Variants in RYR3 observed in about 807,000 individuals in gnomAD.
RYR3 encodes the protein ryanodine receptor 3, also known as brain ryanodine receptor-calcium release channel.
A neutral mutation model predicts 584.3 loss-of-function variants in RYR3; 207 were observed. The observed-to-expected ratio is 0.35, with a 90% confidence interval of 0.32 to 0.40. The LOEUF (loss-of-function observed/expected upper bound fraction) is 0.40. Among genes scored for constraint, RYR3 ranks in the 10% least tolerant of loss-of-function variants. RYR3 has a pLI of 1.00. For missense variants in RYR3, 5,616 were observed against 6,089.2 expected (o/e 0.92, Z 2.59); for synonymous variants, 2,416 against 2,248.5 (o/e 1.07, Z -2.11).
At position 33,754,462 on chromosome 15, in the gene RYR3, C is replaced by A. The variant is rs1186188605; in HGVS notation, c.8400-603C>A. 2.0e-5 allele frequency among the ~76,000 whole-genome samples: 3 copies of A among 152,218 alleles called. No homozygotes were observed. In the South Asian group the frequency reaches 6.2e-4, roughly 32 times the overall value. ...ATGCTCCTGCCTCAGGACCTTTGCA[C>A]TGTCTCTTCGCCCCACCTTAAGAAC... On this transcript the variant is annotated intron_variant, in intron 57 of 103. Transcript: ENST00000634891.
At chr15:33,672,823 C>T (rs1272176833) in intron 38 of RYR3, among the ~76,000 whole-genome samples, 1 of 152,182 alleles carries the variant, frequency 6.6e-6, no homozygotes, top group Admixed American at 6.5e-5. Flanking sequence ...AATACTTCCA[C>T]ACATATTCAT....
chr15:33,738,996 C>T (rs905027180), intron 50 of RYR3, among the ~76,000 whole-genome samples: 2 of 152,170 alleles, frequency 1.3e-5, no homozygotes, highest in African/African-American at 4.8e-5. Flanking sequence ...GATGGTGGGA[C>T]AGGGGATTTC....
chr15:33,318,244 C>T lies in RYR3; in HGVS notation c.51+7148C>T, dbSNP rs541245766. 1.1e-4 allele frequency among the ~76,000 whole-genome samples: 16 copies of T among 152,260 alleles called. No homozygotes were observed. The South Asian group carries it at 3.3e-3, about 32-fold the overall frequency. ...GTGGTTTTATGCTATAGGAACCAGCCAGTATTATGAGCAAGGCAGCACACC... is the reference window on the plus strand; with the variant it reads ...GTGGTTTTATGCTATAGGAACCAGCTAGTATTATGAGCAAGGCAGCACACC... On this transcript the variant is annotated intron_variant, in intron 1 of 103. Coordinates refer to ENST00000634891, the MANE Select transcript of RYR3 (RefSeq NM_001036.6).
intron 3 of RYR3, among the ~76,000 whole-genome samples, chr15:33,522,382 T>G (rs1308954503): frequency 6.6e-6 from 1 of 152,192 alleles, no homozygotes; most frequent in African/African-American, 2.4e-5. Flanking sequence ...CCTGTACTGC[T>G]CTGGCTGAGT....
chr15:33,498,208 G>T (rs1399813296), intron 2 of RYR3, among the ~76,000 whole-genome samples: 1 of 152,034 alleles, frequency 6.6e-6, no homozygotes, highest in African/African-American at 2.4e-5. Flanking sequence ...TTCATTTTCT[G>T]TTCAGTAGTG....
intron 18 of RYR3, among the ~76,000 whole-genome samples, chr15:33,610,856 CAA>C (rs952624676): frequency 6.6e-6 from 1 of 151,990 alleles, no homozygotes; most frequent in African/African-American, 2.4e-5. Flanking sequence ...GTGCATGAAA[CAA>C]AATTTTGACT....
intron 87 of RYR3, 104 bp from the exon 88 acceptor site, chr15:33,836,802 T>C: frequency 1.3e-6 from 1 of 778,210 alleles, no homozygotes; most frequent in Non-Finnish European, 2.1e-6. Context: ...CCGACACTGA[T>C]GCAGCCTGCA....
intron 86 of RYR3, among the ~76,000 whole-genome samples, chr15:33,833,639 C>T (rs1445818507): frequency 6.6e-6 from 1 of 152,202 alleles, no homozygotes; most frequent in Non-Finnish European, 1.5e-5. Flanking sequence ...CAGAACTTCC[C>T]ATGGAGCACG....
chr15:33,662,673 G>T lies in RYR3; in HGVS notation c.5143G>T (p.Gly1715Trp), dbSNP rs2152706898. The T allele has an allele frequency of 6.2e-7, 1 of 1,614,172 alleles. No individual in the cohort carries two copies. The highest frequency in any genetic ancestry group is 8.5e-7 in the Non-Finnish European group (1 of 1,180,002). Reference protein sequence around the residue: ...CSGAHIRDPVGGSVEFQFVPV... With the variant: ...CSGAHIRDPVWGSVEFQFVPV... ...CGGGGCCCACATCCGAGACCCTGTA[G>T]GGGGGTCTGTGGAGTTCCAGTTTGT... Residue 1715 changes from glycine (G) to tryptophan (W), a missense_variant, in exon 35 of 104, where the codon GGG (glycine) becomes TGG (tryptophan). By Grantham distance (184) the Gly-to-Trp change is radical. Transcript: ENST00000634891.
chr15:33,505,059 G>A (rs1238118212), intron 3 of RYR3, among the ~76,000 whole-genome samples: 1 of 152,128 alleles, frequency 6.6e-6, no homozygotes, highest in Non-Finnish European at 1.5e-5. Context: ...ACTGTCTGTG[G>A]GTAGAAACTG....
chr15:33,678,537 T>C (rs1207671599), intron 38 of RYR3, among the ~76,000 whole-genome samples: 1 of 152,192 alleles, frequency 6.6e-6, no homozygotes, highest in East Asian at 1.9e-4. Context: ...CAATCTCAGG[T>C]AGTTCTTTAT....
At chr15:33,746,360 G>T (rs1184183659) in intron 53 of RYR3, among the ~76,000 whole-genome samples, 1 of 152,180 alleles carries the variant, frequency 6.6e-6, no homozygotes, top group Non-Finnish European at 1.5e-5. Flanking sequence ...CTGTTCTTTG[G>T]CTTTGAGAGG....
chr15:33,367,901 T>C (rs1304202416), intron 1 of RYR3, among the ~76,000 whole-genome samples: 1 of 152,210 alleles, frequency 6.6e-6, no homozygotes, highest in East Asian at 1.9e-4. Context: ...GATAACTTAC[T>C]TACATAAAGT....
intron 32 of RYR3, among the ~76,000 whole-genome samples, chr15:33,658,372 T>G (rs531910823): frequency 6.6e-6 from 1 of 152,356 alleles, no homozygotes; most frequent in East Asian, 1.9e-4. Flanking sequence ...TCTAACAGTA[T>G]AGCTGCTCAC....
intron 20 of RYR3, 46 bp downstream of exon 20, chr15:33,624,069 A>T: frequency 8.2e-7 from 1 of 1,222,996 alleles, no homozygotes; most frequent in Non-Finnish European, 1.2e-6. Flanking sequence ...AGATGAAGCA[A>T]TAGAGTTAAA....
chr15:33,779,806 T>G (rs547015653), intron 64 of RYR3, among the ~76,000 whole-genome samples: 1 of 151,266 alleles, frequency 6.6e-6, no homozygotes, highest in South Asian at 2.1e-4. Flanking sequence ...ATCGAGACCA[T>G]CCTGGCCAAC....
chr15:33,532,704 T>A (rs1012099244), intron 4 of RYR3, among the ~76,000 whole-genome samples: 1 of 152,240 alleles, frequency 6.6e-6, no homozygotes, highest in Non-Finnish European at 1.5e-5. Flanking sequence ...TTTAAAAGTT[T>A]CTCAACATCT....
At chr15:33,648,036 C>A (rs2062209285) in intron 30 of RYR3, among the ~76,000 whole-genome samples, 1 of 148,214 alleles carries the variant, frequency 6.7e-6, no homozygotes, top group Non-Finnish European at 1.5e-5. Flanking sequence ...TGTGTCAACC[C>A]TTCTGTAAAG....
At chr15:33,477,994 C>T (rs1363484689) in intron 2 of RYR3, among the ~76,000 whole-genome samples, 1 of 150,676 alleles carries the variant, frequency 6.6e-6, no homozygotes, top group Non-Finnish European at 1.5e-5. Flanking sequence ...TATTTACTTT[C>T]CTTTTTACTC....
Sources: allele counts gnomAD v4.1 joint callset (sites outside exome capture counted in the v4.1 genomes callset), GRCh38; gene constraint gnomAD v4.1.1; transcripts MANE v1.5; gene names NCBI Gene and HGNC (gene_info 2026-07-23, HGNC 2026-07-21).